LDLRAD3: variants seen among roughly 807,000 people sequenced by gnomAD.
LDLRAD3 encodes the protein low-density lipoprotein receptor class A domain-containing protein 3.
In LDLRAD3, 20 loss-of-function variants were observed where a neutral mutation model predicts 29.4. The ratio of observed to expected loss-of-function variants is 0.68; its 90% confidence interval spans 0.48 to 0.99. The LOEUF is 0.99. Among genes scored for constraint, LDLRAD3 ranks in the 50% least tolerant of loss-of-function variants. The pLI, the probability that LDLRAD3 is intolerant of heterozygous loss-of-function variation, is 0.00. For synonymous variants in LDLRAD3, 157 were observed against 192.7 expected (o/e 0.81, Z 1.53); for missense variants, 420 against 454.3 (o/e 0.92, Z 0.69).
At chr11:36,077,508 A>G (rs1269070072) in intron 2 of LDLRAD3, among the ~76,000 whole-genome samples, 1 of 152,198 alleles carries the variant, frequency 6.6e-6, no homozygotes, top group Non-Finnish European at 1.5e-5. Flanking sequence ...AGCCAGTTGC[A>G]GAACAGTGAG....
At chr11:36,185,235 C>T (rs1305141390) in intron 4 of LDLRAD3, among the ~76,000 whole-genome samples, 1 of 151,470 alleles carries the variant, frequency 6.6e-6, no homozygotes, top group Admixed American at 6.5e-5. Context: ...GACCTTTGCC[C>T]AGATCTTTCA....
intron 4 of LDLRAD3, among the ~76,000 whole-genome samples, chr11:36,127,511 T>C (rs1286737102): frequency 6.6e-6 from 1 of 152,176 alleles, no homozygotes; most frequent in Non-Finnish European, 1.5e-5. Flanking sequence ...GTGAAATTCT[T>C]AGAACAGGAT....
chr11:36,081,740 T>C lies in LDLRAD3; in HGVS notation c.281T>C (p.Phe94Ser), dbSNP rs1853118135. 1 of 1,614,104 alleles carries C rather than the reference T, an allele frequency of 6.2e-7. No individual in the cohort carries two copies. The highest frequency in any genetic ancestry group is 1.3e-5 in the African/African-American group (1 of 74,932). The change falls in exon 3 of 6, where the codon TTT (phenylalanine) becomes TCT (serine). Residue 94 changes from phenylalanine to serine, a missense_variant. Phe to Ser is a radical substitution (Grantham distance 155). Around this residue, in one of 3 missense-constraint regions of LDLRAD3, gnomAD observed 224 missense variants for 222.2 expected, o/e 1.01. Coordinates refer to ENST00000315571, the MANE Select transcript of LDLRAD3 (RefSeq NM_174902.4). ...ATTGGTCGCTTCCGGTGCAATGGGT[T>C]TGAGGACTGTCCCGATGGCAGCGAT... ...CIIGRFRCNG[F>S]EDCPDGSDEE... is the part of the protein sequence containing the mutation.
At chr11:36,099,591 GC>G (rs1853415908) in intron 4 of LDLRAD3, among the ~76,000 whole-genome samples, 1 of 152,200 alleles carries the variant, frequency 6.6e-6, no homozygotes, top group African/African-American at 2.4e-5. Flanking sequence ...ATGGTTAACT[GC>G]TTAGCTGGTT....
At chr11:36,124,070 A>T (rs1853800468) in intron 4 of LDLRAD3, among the ~76,000 whole-genome samples, 1 of 152,224 alleles carries the variant, frequency 6.6e-6, no homozygotes, top group East Asian at 1.9e-4. Context: ...AAGGTTATGC[A>T]TTTGCCTGCA....
chr11:35,963,644 C>A (rs1018444372), intron 1 of LDLRAD3, among the ~76,000 whole-genome samples: 2 of 152,134 alleles, frequency 1.3e-5, no homozygotes, highest in Non-Finnish European at 2.9e-5. Flanking sequence ...AACATATATA[C>A]CCACATGTAA....
At chr11:36,192,683 G>T (rs1039995672) in intron 4 of LDLRAD3, among the ~76,000 whole-genome samples, 1 of 152,192 alleles carries the variant, frequency 6.6e-6, no homozygotes. Flanking sequence ...ATTAGGTCCA[G>T]GGCATGAATT....
chr11:36,048,270 A>G (rs1852480734), intron 2 of LDLRAD3, among the ~76,000 whole-genome samples: 3 of 152,202 alleles, frequency 2.0e-5, no homozygotes, highest in Admixed American at 2.0e-4. Context: ...AACCATTTTC[A>G]GGAGATGGAA....
At chr11:36,191,786 G>C (rs1123561) in intron 4 of LDLRAD3, among the ~76,000 whole-genome samples, 65,334 of 151,350 alleles carry the variant, frequency 0.43, 15,181 homozygotes, top group Middle Eastern at 0.54. Context: ...TTCCCAGGAA[G>C]AAAAGTGTTC....
intron 1 of LDLRAD3, among the ~76,000 whole-genome samples, chr11:35,999,645 A>G (rs1393217092): frequency 1.2e-4 from 19 of 152,196 alleles, no homozygotes; most frequent in Non-Finnish European, 1.5e-5. Context: ...TCCTTTGGCT[A>G]ACCCAAAGTG....
rs530984776 is a variant in LDLRAD3 at position 36,105,920 on chromosome 11, G to A, written c.454+7459G>A. Among the ~76,000 whole-genome samples, 7 of 152,298 alleles carry A rather than the reference G, an allele frequency of 4.6e-5. No individual in the cohort carries two copies. In the East Asian group the frequency reaches 1.4e-3, roughly 29 times the overall value. Reference sequence around the variant, plus strand: ...TAAGCAAGGCACAGCCATTCACTAAGTGCCAGAGCAGAAATATAGCCAAGA... The same window carrying A: ...TAAGCAAGGCACAGCCATTCACTAAATGCCAGAGCAGAAATATAGCCAAGA... On this transcript the variant is annotated intron_variant, in intron 4 of 5. Transcript: ENST00000315571.
intron 4 of LDLRAD3, among the ~76,000 whole-genome samples, chr11:36,125,832 GC>G (rs1853828365): frequency 6.6e-6 from 1 of 152,160 alleles, no homozygotes; most frequent in African/African-American, 2.4e-5. Context: ...ATGTTTTCAA[GC>G]CACATGGAGG....
At chr11:35,951,991 G>A (rs765314401) in intron 1 of LDLRAD3, among the ~76,000 whole-genome samples, 7 of 152,114 alleles carry the variant, frequency 4.6e-5, no homozygotes, top group Non-Finnish European at 7.3e-5. Flanking sequence ...TCTTTCTTTC[G>A]GCTCTTATAT....
At chr11:36,176,769 A>G (rs1027593085) in intron 4 of LDLRAD3, among the ~76,000 whole-genome samples, 4 of 152,278 alleles carry the variant, frequency 2.6e-5, no homozygotes, top group Admixed American at 2.6e-4. Context: ...TTGACTTCAG[A>G]TAACCTGTTG....
intron 3 of LDLRAD3, among the ~76,000 whole-genome samples, chr11:36,097,040 T>C (rs1250549424): frequency 6.6e-6 from 1 of 152,226 alleles, no homozygotes; most frequent in East Asian, 1.9e-4. Flanking sequence ...GGAGATTTGC[T>C]GTTGTGTTGT....
Position 35,984,934 on chromosome 11 carries a change from CTTT to C in LDLRAD3, c.46+40807_46+40809del, listed in dbSNP as rs1285306835. Among the ~76,000 whole-genome samples, 2,043 of 127,948 alleles carry C rather than the reference CTTT, an allele frequency of 0.016. 98 individuals carry two copies. In the East Asian group the frequency reaches 0.17, roughly 10 times the overall value. The allele number at this position is 127,948 out of a possible 152,430, so 83.9% of individuals were successfully genotyped here. A position where few individuals can be genotyped will look rare whatever the true frequency, so the allele number is the denominator to read the frequency against. On this transcript the variant is annotated intron_variant, in intron 1 of 5. Coordinates refer to ENST00000315571, the MANE Select transcript of LDLRAD3 (RefSeq NM_174902.4). The stretch of plus-strand genomic sequence containing the variant: ...CGTGAGCCACCGCATCCTGCCTGTT[CTTT>C]TTTTTTTTTTTTTTTTCCCTGAGAC...
chr11:36,182,445 T>A (rs1378538471), intron 4 of LDLRAD3, among the ~76,000 whole-genome samples: 2 of 152,220 alleles, frequency 1.3e-5, no homozygotes, highest in Admixed American at 1.3e-4. Flanking sequence ...AGAAGTACAG[T>A]ACCTTTGAGT....
intron 4 of LDLRAD3, among the ~76,000 whole-genome samples, chr11:36,149,463 G>C (rs1373262950): frequency 6.6e-6 from 1 of 152,184 alleles, no homozygotes; most frequent in Non-Finnish European, 1.5e-5. Context: ...ACCCAACTTG[G>C]AAGGCCCCAG....
chr11:36,160,028 C>T (rs1403093766), intron 4 of LDLRAD3, among the ~76,000 whole-genome samples: 1 of 152,072 alleles, frequency 6.6e-6, no homozygotes, highest in East Asian at 1.9e-4. Flanking sequence ...TTGATAAGAC[C>T]GTTGCAGGAA....
Sources: allele counts gnomAD v4.1 joint callset (sites outside exome capture counted in the v4.1 genomes callset), GRCh38; gene constraint gnomAD v4.1.1; regional missense constraint gnomAD v4.1.1; transcripts MANE v1.5; gene names NCBI Gene and HGNC (gene_info 2026-07-23, HGNC 2026-07-21).